Variants in EXOC6B observed in about 807,000 individuals in gnomAD.
EXOC6B encodes exocyst complex component 6B.
EXOC6B carries 54 observed loss-of-function variants against 113.5 expected under a neutral mutation model. That is an observed-to-expected ratio of 0.48 (90% CI 0.38 to 0.60). The LOEUF is 0.60. Ranked by LOEUF, EXOC6B falls within the 20% of genes least tolerant of loss-of-function variation. EXOC6B has a pLI of 0.00. For missense variants in EXOC6B, 797 were observed against 977.5 expected, an observed-to-expected ratio of 0.82 and a Z score of 2.46; for synonymous variants, 357 against 339.0, an observed-to-expected ratio of 1.05 and a Z score of -0.58.
intron 6 of EXOC6B, among the ~76,000 whole-genome samples, chr2:72,603,925 C>A (rs1184175323): frequency 6.6e-6 from 1 of 152,166 alleles, no homozygotes; most frequent in Admixed American, 6.5e-5. Context: ...GGACTTCCCC[C>A]ACCCACTACA....
chr2:72,262,365 GC>G (rs1000603823), intron 20 of EXOC6B, among the ~76,000 whole-genome samples: 56 of 151,918 alleles, frequency 3.7e-4, no homozygotes, highest in African/African-American at 1.3e-3. Flanking sequence ...CAATACTATA[GC>G]CCAGACAGGT....
At position 72,826,009 on chromosome 2, in the gene EXOC6B, A is replaced by G; in HGVS notation, c.-99T>C. 6.7e-7 allele frequency: 1 copy of G among 1,503,346 alleles called. No homozygotes were observed. The highest frequency in any genetic ancestry group is 8.9e-7 in the Non-Finnish European group (1 of 1,123,256). 93.1% of individuals were successfully genotyped at this position (1,503,346 alleles called of 1,614,324 possible). ...CCACCACAGGCTCCACAGCCGCCCC[A>G]GCCTCTGGCTACCCGCAGGCCGACC... On this transcript the variant is annotated 5_prime_UTR_variant, in exon 1 of 22. Transcript: ENST00000272427.
At chr2:72,296,632 AT>A (rs1246189514) in intron 20 of EXOC6B, among the ~76,000 whole-genome samples, 2 of 152,208 alleles carry the variant, frequency 1.3e-5, no homozygotes, top group Non-Finnish European at 2.9e-5. Flanking sequence ...GAAAATGGAA[AT>A]AGAGAAGACA....
Position 72,805,855 on chromosome 2 carries a change from T to C in EXOC6B, c.113+19943A>G, listed in dbSNP as rs571132744. ...CTTCTATGAGTTAAATTTTTTTCAA[T>C]TCCACATATAAGTGAGATCATGTAG... On this transcript the variant is annotated intron_variant, in intron 1 of 21. Coordinates refer to ENST00000272427, the MANE Select transcript of EXOC6B (RefSeq NM_015189.3). Among the ~76,000 whole-genome samples the C allele has an allele frequency of 9.2e-5, 14 of 152,298 alleles. 1 individual carries two copies. Among genetic ancestry groups the C allele is most frequent in the Admixed American group, 5.9e-4 (9 of 15,296 alleles).
intron 6 of EXOC6B, among the ~76,000 whole-genome samples, chr2:72,611,163 G>A (rs1256073641): frequency 3.3e-5 from 5 of 152,046 alleles, no homozygotes; most frequent in African/African-American, 4.8e-5. Flanking sequence ...AGGAGTTCAA[G>A]ACCAGCCTGG....
intron 20 of EXOC6B, among the ~76,000 whole-genome samples, chr2:72,235,332 A>G (rs555485812): frequency 6.6e-6 from 1 of 152,296 alleles, no homozygotes; most frequent in Non-Finnish European, 1.5e-5. Context: ...TCACTTATTT[A>G]GCTCACTTAG....
chr2:72,818,875 T>C (rs1379991801), intron 1 of EXOC6B, among the ~76,000 whole-genome samples: 7 of 152,196 alleles, frequency 4.6e-5, no homozygotes, highest in Non-Finnish European at 7.3e-5. Flanking sequence ...CTTCACTCTA[T>C]TCAAACCTTT....
At chr2:72,257,479 TTAGCAGAAGGAAAAACCAC>T (rs1282822275) in intron 20 of EXOC6B, among the ~76,000 whole-genome samples, 5 of 152,210 alleles carry the variant, frequency 3.3e-5, no homozygotes, top group African/African-American at 1.2e-4. Flanking sequence ...AAGCCCAATC[TTAGCAGAAGGAAAAACCAC>T]TATTAATCTT....
At chr2:72,239,864 T>C (rs1261085810) in intron 20 of EXOC6B, among the ~76,000 whole-genome samples, 1 of 152,178 alleles carries the variant, frequency 6.6e-6, no homozygotes. Context: ...GTAAACCTTG[T>C]ACTTCATGTT....
chr2:72,606,631 C>CTT (rs200868918), intron 6 of EXOC6B, among the ~76,000 whole-genome samples: 11 of 144,754 alleles, frequency 7.6e-5, no homozygotes, highest in African/African-American at 1.8e-4. Context: ...CACTTTCTTT[C>CTT]TTTCTTTTTT....
chr2:72,179,565 A>G, intron 21 of EXOC6B, 104 bp from the exon 22 acceptor site: 1 of 1,315,572 alleles, frequency 7.6e-7, no homozygotes, highest in Non-Finnish European at 1.1e-6. Flanking sequence ...CACTACCCAG[A>G]GTAATGAGAG....
intron 20 of EXOC6B, among the ~76,000 whole-genome samples, chr2:72,239,171 G>C (rs755150004): frequency 4.6e-5 from 7 of 152,198 alleles, no homozygotes; most frequent in Non-Finnish European, 8.8e-5. Flanking sequence ...GATTATGAGC[G>C]TGAGCCACTG....
intron 6 of EXOC6B, 59 bp from the exon 7 acceptor site, chr2:72,575,727 A>G: frequency 7.2e-7 from 1 of 1,385,514 alleles, no homozygotes; most frequent in Non-Finnish European, 9.5e-7. Flanking sequence ...GGAGAGAGAA[A>G]GAAAGAAAAA....
chr2:72,648,890 T>C (rs1673946038), intron 6 of EXOC6B, among the ~76,000 whole-genome samples: 1 of 152,212 alleles, frequency 6.6e-6, no homozygotes, highest in African/African-American at 2.4e-5. Context: ...ATGCTTGTAA[T>C]TCCAGCACTT....
intron 13 of EXOC6B, 86 bp downstream of exon 13, chr2:72,498,368 A>G: frequency 1.2e-6 from 1 of 826,906 alleles, no homozygotes. Context: ...GTTGCCTATA[A>G]CATCTGAAAA....
intron 20 of EXOC6B, among the ~76,000 whole-genome samples, chr2:72,320,096 A>T (rs2104824886): frequency 6.6e-6 from 1 of 151,742 alleles, no homozygotes; most frequent in East Asian, 1.9e-4. Context: ...CAGCCTCCCA[A>T]AGTGTTGGGA....
chr2:72,220,891 T>C (rs1680827148), intron 20 of EXOC6B, among the ~76,000 whole-genome samples: 1 of 152,172 alleles, frequency 6.6e-6, no homozygotes, highest in African/African-American at 2.4e-5. Flanking sequence ...AGGTGATAAT[T>C]TAATACATTC....
intron 6 of EXOC6B, among the ~76,000 whole-genome samples, chr2:72,663,896 A>C (rs1031431758): frequency 1.2e-4 from 19 of 152,344 alleles, no homozygotes; most frequent in African/African-American, 4.3e-4. Flanking sequence ...TATAAAAAAA[A>C]GTATTACACT....
intron 6 of EXOC6B, among the ~76,000 whole-genome samples, chr2:72,578,276 G>A (rs1368778495): frequency 6.6e-6 from 1 of 152,048 alleles, no homozygotes; most frequent in East Asian, 1.9e-4. Context: ...AAATTGGGCA[G>A]GTGGGGAGAG....
Sources: allele counts gnomAD v4.1 joint callset (sites outside exome capture counted in the v4.1 genomes callset), GRCh38; gene constraint gnomAD v4.1.1; transcripts MANE v1.5; gene names NCBI Gene and HGNC (gene_info 2026-07-23, HGNC 2026-07-21).